Variants in SKIC3 observed in about 807,000 individuals in gnomAD.
SKIC3 encodes the protein SKI3 subunit of superkiller complex.
At chr5:95,543,214 T>C in the SKIC3 span, 8 of 1,614,066 alleles carry the variant, frequency 5.0e-6, no homozygotes, top group Non-Finnish European at 6.8e-6. Flanking sequence ...CTGGCTCTAA[T>C]TCAGCAGCTT....
At chr5:95,506,978 T>C in the SKIC3 span, 2 of 1,613,428 alleles carry the variant, frequency 1.2e-6, no homozygotes, top group Non-Finnish European at 1.7e-6. Flanking sequence ...TGTAAGTATC[T>C]TGGTCTTCTG....
chr5:95,523,929 A>C, the SKIC3 span: 31 of 1,277,006 alleles, frequency 2.4e-5, no homozygotes, highest in Middle Eastern at 6.6e-4. Context: ...TTAAAGAAAA[A>C]AGAAATAATT....
chr5:95,515,708 G>A, the SKIC3 span, among the ~76,000 whole-genome samples: 9 of 151,702 alleles, frequency 5.9e-5, no homozygotes, highest in African/African-American at 2.2e-4. Context: ...TTTTTGCAGG[G>A]ACTTAATGTA....
At chr5:95,506,085 T>C in the SKIC3 span, among the ~76,000 whole-genome samples, 1 of 152,222 alleles carries the variant, frequency 6.6e-6, no homozygotes. Context: ...TGTCCTCTGC[T>C]TCAACAAAAT....
chr5:95,518,678 T>C, the SKIC3 span, among the ~76,000 whole-genome samples: 1 of 152,108 alleles, frequency 6.6e-6, no homozygotes, highest in Non-Finnish European at 1.5e-5. Context: ...CCATTGCATA[T>C]AAATACCACA....
the SKIC3 span, among the ~76,000 whole-genome samples, chr5:95,531,180 T>C: frequency 4.5e-4 from 68 of 152,310 alleles, no homozygotes; most frequent in East Asian, 9.5e-3. Context: ...CATAATACCA[T>C]GTAGCTCATA....
the SKIC3 span, among the ~76,000 whole-genome samples, chr5:95,525,086 G>A: frequency 5.3e-5 from 8 of 151,886 alleles, no homozygotes; most frequent in Non-Finnish European, 1.5e-5. Context: ...GTTTCATCGT[G>A]TTGCCCAGGC....
chr5:95,539,294 T>G, the SKIC3 span, among the ~76,000 whole-genome samples: 1 of 151,712 alleles, frequency 6.6e-6, no homozygotes, highest in Non-Finnish European at 1.5e-5. Context: ...GCTAAGGACA[T>G]GAACAGAAAA....
chr5:95,514,936 G>A, the SKIC3 span: 3 of 1,610,972 alleles, frequency 1.9e-6, no homozygotes, highest in Non-Finnish European at 1.7e-6. Context: ...AGGAAAAAAA[G>A]GCAAAAAATA....
the SKIC3 span, among the ~76,000 whole-genome samples, chr5:95,545,409 T>C: frequency 6.6e-6 from 1 of 152,280 alleles, no homozygotes; most frequent in African/African-American, 2.4e-5. Context: ...TTGCCATGTA[T>C]ACTGCCCAGT....
chr5:95,536,960 A>G, the SKIC3 span: 1 of 1,588,422 alleles, frequency 6.3e-7, no homozygotes, highest in Non-Finnish European at 8.6e-7. Context: ...ACTACATTCT[A>G]GTAGTAGTAA....
At chr5:95,522,974 T>A in the SKIC3 span, among the ~76,000 whole-genome samples, 5 of 152,170 alleles carry the variant, frequency 3.3e-5, no homozygotes. Context: ...ACTATACATA[T>A]GTATTAAGAC....
At chr5:95,521,915 G>T in the SKIC3 span, 1 of 991,778 alleles carries the variant, frequency 1.0e-6, no homozygotes, top group Non-Finnish European at 1.5e-6. Flanking sequence ...AAGCTATACT[G>T]TAAGAGGTTC....
At chr5:95,469,648 T>A in the SKIC3 span, 1 of 1,250,814 alleles carries the variant, frequency 8.0e-7, no homozygotes, top group East Asian at 2.4e-5. Context: ...GATACAGATA[T>A]ATAAATACCC....
the SKIC3 span, chr5:95,497,347 T>C: frequency 2.3e-6 from 3 of 1,324,206 alleles, no homozygotes; most frequent in African/African-American, 2.9e-5. Context: ...TGCCATAGTT[T>C]AAAATTATCA....
the SKIC3 span, chr5:95,509,631 G>C: frequency 6.2e-7 from 1 of 1,613,912 alleles, no homozygotes; most frequent in Non-Finnish European, 8.5e-7. Context: ...TTCAGTTGTA[G>C]ATGTTCGTTT....
the SKIC3 span, among the ~76,000 whole-genome samples, chr5:95,509,373 A>G: frequency 3.3e-5 from 5 of 152,194 alleles, no homozygotes; most frequent in Admixed American, 6.5e-5. Flanking sequence ...AAAACCTCTC[A>G]GCAAAGCGAG....
the SKIC3 span, among the ~76,000 whole-genome samples, chr5:95,474,855 C>T: frequency 6.6e-6 from 1 of 152,306 alleles, no homozygotes; most frequent in East Asian, 1.9e-4. Context: ...AAAAGAACCA[C>T]TTTGTGAGCT....
the SKIC3 span, chr5:95,540,618 T>A: frequency 1.3e-6 from 2 of 1,560,358 alleles, no homozygotes; most frequent in Non-Finnish European, 1.8e-6. Context: ...TGATCAATTA[T>A]GTTTCCATTT....
Sources: allele counts gnomAD v4.1 joint callset (sites outside exome capture counted in the v4.1 genomes callset), GRCh38; gene constraint gnomAD v4.1.1; transcripts MANE v1.5; gene names NCBI Gene and HGNC (gene_info 2026-07-23, HGNC 2026-07-21).